ADAMTSL1: variants seen among roughly 807,000 people sequenced by gnomAD.
ADAMTSL1 encodes ADAMTS-like protein 1.
Under a neutral mutation model 201.8 loss-of-function variants are expected in ADAMTSL1, and 126 were observed. The ratio of observed to expected loss-of-function variants is 0.62; its 90% confidence interval spans 0.54 to 0.72. The LOEUF is 0.72. ADAMTSL1 is among the 30% of genes least tolerant of loss of function. The pLI, the probability that ADAMTSL1 is intolerant of heterozygous loss-of-function variation, is 0.00. For synonymous variants in ADAMTSL1, 1,121 were observed against 903.4 expected (o/e 1.24, Z -4.32); for missense variants, 2,679 against 2,277.8 (o/e 1.18, Z -3.59).
chr9:18,250,461 G>T (rs17199255), intron 2 of ADAMTSL1, among the ~76,000 whole-genome samples: 1 of 152,180 alleles, frequency 6.6e-6, no homozygotes, highest in South Asian at 2.1e-4. Context: ...GGTTGCCCTG[G>T]TTCCTGGTGA....
At chr9:17,973,829 C>G (rs1818323138) in intron 1 of ADAMTSL1, among the ~76,000 whole-genome samples, 1 of 150,338 alleles carries the variant, frequency 6.7e-6, no homozygotes, top group African/African-American at 2.5e-5. Context: ...TTGGTGTCCT[C>G]TTTGATTTCA....
chr9:18,526,867 G>A (rs1453344905), intron 2 of ADAMTSL1, among the ~76,000 whole-genome samples: 1 of 152,122 alleles, frequency 6.6e-6, no homozygotes, highest in Non-Finnish European at 1.5e-5. Context: ...CTAATCTATG[G>A]TCGCTCTAAG....
chr9:18,662,048 T>G lies in ADAMTSL1; in HGVS notation c.1060T>G (p.Cys354Gly). The change falls in exon 9 of 29, where the codon TGC becomes GGC. Residue 354 changes from cysteine to glycine, a missense_variant. Cys to Gly is a radical substitution (Grantham distance 159). Transcript: ENST00000380548. ...NIKPKPKLQE[C>G]NLDPCPASDG... Reference sequence around the variant, plus strand: ...CAAACCCAAACCCAAGCTTCAGGAGTGCAACTTGGATCCTTGTCCAGCCAG... The same window carrying G: ...CAAACCCAAACCCAAGCTTCAGGAGGGCAACTTGGATCCTTGTCCAGCCAG... 1 of 1,613,808 alleles carries G rather than the reference T, an allele frequency of 6.2e-7. No individual in the cohort carries two copies. The highest frequency in any genetic ancestry group is 8.5e-7 in the Non-Finnish European group (1 of 1,179,836).
intron 2 of ADAMTSL1, among the ~76,000 whole-genome samples, chr9:18,440,858 T>C (rs1308048226): frequency 1.3e-5 from 2 of 152,168 alleles, no homozygotes; most frequent in East Asian, 3.8e-4. Flanking sequence ...GAGCTATTAA[T>C]ATTTTAGCAA....
chr9:17,999,106 A>G (rs967424901), intron 1 of ADAMTSL1, among the ~76,000 whole-genome samples: 1 of 152,130 alleles, frequency 6.6e-6, no homozygotes, highest in Non-Finnish European at 1.5e-5. Flanking sequence ...ACATGAACTG[A>G]ATACCCATAA....
chr9:17,990,024 A>G (rs767677392), intron 1 of ADAMTSL1, among the ~76,000 whole-genome samples: 16 of 151,856 alleles, frequency 1.1e-4, no homozygotes, highest in Non-Finnish European at 2.1e-4. Context: ...CAAAACAAAC[A>G]TTGAAGACAT....
intron 2 of ADAMTSL1, among the ~76,000 whole-genome samples, chr9:18,261,012 C>CTTTTTTT (rs3085417): frequency 3.2e-4 from 33 of 104,244 alleles, no homozygotes; most frequent in East Asian, 5.2e-4. Flanking sequence ...TTTCCTTTTT[C>CTTTTTTT]TTTTTTTTTT....
rs533986798 is a variant in ADAMTSL1 at position 18,474,415 on chromosome 9, A to G, written c.63+120A>G. The G allele has an allele frequency of 4.0e-6, 4 of 996,432 alleles. No individual in the cohort carries two copies. In the South Asian group the frequency reaches 5.8e-5, roughly 14 times the overall value. 61.7% of individuals were successfully genotyped at this position (996,432 alleles called of 1,614,324 possible). ...TGTCTTTATCTTAAAACTCCAGGTAAAATAATTTACACGATTACAAAGAGA... is the reference window on the plus strand; with the variant it reads ...TGTCTTTATCTTAAAACTCCAGGTAGAATAATTTACACGATTACAAAGAGA... On this transcript the variant is annotated intron_variant, in intron 1 of 28. Coordinates refer to ENST00000380548, the MANE Select transcript of ADAMTSL1 (RefSeq NM_001040272.6).
chr9:18,060,025 T>G (rs1563975781), intron 1 of ADAMTSL1, among the ~76,000 whole-genome samples: 1 of 152,182 alleles, frequency 6.6e-6, no homozygotes, highest in Non-Finnish European at 1.5e-5. Context: ...TAACATAGTA[T>G]AAATATCTTT....
chr9:18,391,823 TC>T (rs1183223740), intron 2 of ADAMTSL1, among the ~76,000 whole-genome samples: 10 of 99,318 alleles, frequency 1.0e-4, no homozygotes, highest in African/African-American at 3.0e-4. Context: ...TTCTTTTCTT[TC>T]TTTTTTTTTT....
At chr9:18,077,123 G>T (rs1380030400) in intron 1 of ADAMTSL1, among the ~76,000 whole-genome samples, 1 of 152,112 alleles carries the variant, frequency 6.6e-6, no homozygotes, top group African/African-American at 2.4e-5. Flanking sequence ...GTCTATTTTG[G>T]ACCAGTGGAA....
rs547998630 is a variant in ADAMTSL1 at position 17,945,901 on chromosome 9, G to T, written c.87+38979G>T. Among the ~76,000 whole-genome samples, 284 of 151,438 alleles carry T rather than the reference G, an allele frequency of 1.9e-3. 4 individuals are homozygous for T. The highest frequency in any genetic ancestry group is 0.018 in the Admixed American group (269 of 15,192). On this transcript the variant is annotated intron_variant, in intron 1 of 29. Transcript: ENST00000680146. ...TTAATGGGTGCAGCACACCAGCATG[G>T]CACATGTATACATATGTAACTAACC...
intron 4 of ADAMTSL1, among the ~76,000 whole-genome samples, chr9:18,589,925 A>G (rs1823798763): frequency 6.6e-6 from 1 of 152,092 alleles, no homozygotes; most frequent in African/African-American, 2.4e-5. Context: ...CCTCTTAATC[A>G]TGGTGAATGG....
At position 18,501,505 on chromosome 9, in the gene ADAMTSL1, A is replaced by C. The variant is rs1180332840; in HGVS notation, c.64-3324A>C. 2.2e-3 allele frequency among the ~76,000 whole-genome samples: 115 copies of C among 52,530 alleles called. 2 individuals carry two copies. Among genetic ancestry groups the C allele is most frequent in the African/African-American group, 4.8e-3 (111 of 23,244 alleles). 34.5% of individuals were successfully genotyped at this position (52,530 alleles called of 152,430 possible). On this transcript the variant is annotated intron_variant, in intron 1 of 28. Coordinates refer to ENST00000380548, the MANE Select transcript of ADAMTSL1 (RefSeq NM_001040272.6). ...GGCAACAAAGTAAGACACGGTCTCAAAAAAAAAAAAAAAAAAAAAGTAAAA... is the reference window on the plus strand; with the variant it reads ...GGCAACAAAGTAAGACACGGTCTCACAAAAAAAAAAAAAAAAAAAGTAAAA...
intron 3 of ADAMTSL1, among the ~76,000 whole-genome samples, chr9:18,554,426 A>G (rs1043099615): frequency 6.6e-6 from 1 of 151,788 alleles, no homozygotes; most frequent in Non-Finnish European, 1.5e-5. Context: ...AATCTGGTTT[A>G]CGATGTGTAC....
chr9:17,982,889 T>G (rs770725595), intron 1 of ADAMTSL1, among the ~76,000 whole-genome samples: 1 of 151,994 alleles, frequency 6.6e-6, no homozygotes, highest in Non-Finnish European at 1.5e-5. Flanking sequence ...TGTTATTATT[T>G]TCTTAGAGCA....
At chr9:18,639,503 A>C (rs1408762270) in intron 7 of ADAMTSL1, 92 bp downstream of exon 7, 1 of 1,472,492 alleles carries the variant, frequency 6.8e-7, no homozygotes, top group African/African-American at 1.4e-5. Context: ...TGGTTCTGAC[A>C]TATGTTTGGA....
At chr9:18,466,862 T>C (rs942896063) in intron 2 of ADAMTSL1, among the ~76,000 whole-genome samples, 2 of 152,292 alleles carry the variant, frequency 1.3e-5, no homozygotes, top group African/African-American at 2.4e-5. Context: ...TGTTGTATTT[T>C]AGGGGAAGAA....
At chr9:18,838,986 C>T (rs1046749694) in intron 23 of ADAMTSL1, among the ~76,000 whole-genome samples, 7 of 150,146 alleles carry the variant, frequency 4.7e-5, no homozygotes, top group African/African-American at 1.5e-4. Flanking sequence ...TTTCAGCATA[C>T]ATTTGGCCCA....
Sources: allele counts gnomAD v4.1 joint callset (sites outside exome capture counted in the v4.1 genomes callset), GRCh38; gene constraint gnomAD v4.1.1; transcripts MANE v1.5; gene names NCBI Gene and HGNC (gene_info 2026-07-23, HGNC 2026-07-21).